LRCH1: variants seen among roughly 807,000 people sequenced by gnomAD.
LRCH1 encodes the protein leucine rich repeats and calponin homology domain containing 1, also known as leucine-rich repeat and calponin homology domain-containing protein 1.
Under a neutral mutation model 94.9 loss-of-function variants are expected in LRCH1, and 23 were observed. That is an observed-to-expected ratio of 0.24 (90% CI 0.17 to 0.34). The LOEUF (loss-of-function observed/expected upper bound fraction) is 0.34, where lower values mean the gene tolerates loss of function less well. Ranked by LOEUF, LRCH1 falls within the 10% of genes least tolerant of loss-of-function variation. LRCH1 has a pLI of 1.00. For missense variants in LRCH1, 790 were observed against 945.9 expected (o/e 0.84, Z 2.16); for synonymous variants, 364 against 354.9 (o/e 1.03, Z -0.29).
chr13:46,571,855 T>C (rs1349353345), intron 1 of LRCH1, among the ~76,000 whole-genome samples: 4 of 151,748 alleles, frequency 2.6e-5, no homozygotes, highest in Admixed American at 2.6e-4. Flanking sequence ...AAATTCTAAG[T>C]ATGTGGCACT....
downstream of LRCH1, among the ~76,000 whole-genome samples, chr13:46,749,408 T>C (rs1278459909): frequency 6.6e-6 from 1 of 152,246 alleles, no homozygotes; most frequent in South Asian, 2.1e-4. Context: ...TAGGAAGATA[T>C]TGGTCAAAGG....
intron 11 of LRCH1, among the ~76,000 whole-genome samples, chr13:46,703,046 A>G (rs1219011527): frequency 6.6e-6 from 1 of 152,202 alleles, no homozygotes; most frequent in Non-Finnish European, 1.5e-5. Flanking sequence ...GGCTCGTGGC[A>G]TAGGCACCTA....
chr13:46,638,046 A>G (rs931267232), intron 1 of LRCH1, among the ~76,000 whole-genome samples: 2 of 152,252 alleles, frequency 1.3e-5, no homozygotes, highest in East Asian at 1.9e-4. Context: ...TGAATTAAAC[A>G]TTGCTTCAAA....
In LRCH1 at chr13:46,669,413, A is replaced by G. The variant is rs117784079; in HGVS notation, c.579+257A>G. Among the ~76,000 whole-genome samples, 993 of 152,316 alleles carry G rather than the reference A, an allele frequency of 6.5e-3. 9 individuals are homozygous for G. Among genetic ancestry groups the G allele is most frequent in the Non-Finnish European group, 8.6e-3 (582 of 68,022 alleles). On this transcript the variant is annotated intron_variant, in intron 3 of 19. Transcript: ENST00000389797. ...GCAGGATTTGCCGTTTTTGAAGTTT[A>G]TGGGCTATCATGTTGTAGTTAGTAT...
At chr13:46,651,386 G>A (rs747431361) in intron 2 of LRCH1, among the ~76,000 whole-genome samples, 2 of 152,086 alleles carry the variant, frequency 1.3e-5, no homozygotes, top group Non-Finnish European at 2.9e-5. Context: ...GTTTCTGGCC[G>A]GGTGTGGTGG....
Position 46,705,048 on chromosome 13 carries a change from C to A in LRCH1, c.1401-20C>A. 1.5e-6 allele frequency: 2 copies of A among 1,331,718 alleles called. No individual in the cohort carries two copies. The highest frequency in any genetic ancestry group is 2.1e-6 in the Non-Finnish European group (2 of 947,356). 82.5% of individuals were successfully genotyped at this position (1,331,718 alleles called of 1,614,324 possible). ...AAAAGTTTAATACGTTTACTAATATCTTTTTTTCCTACTCTTTAGATTAAG... is the reference window on the plus strand; with the variant it reads ...AAAAGTTTAATACGTTTACTAATATATTTTTTTCCTACTCTTTAGATTAAG... On this transcript the variant is annotated intron_variant, in intron 11 of 19. Coordinates refer to ENST00000389797, the MANE Select transcript of LRCH1 (RefSeq NM_001164211.2).
At chr13:46,676,340 C>T (rs935581185) in intron 3 of LRCH1, among the ~76,000 whole-genome samples, 10 of 152,106 alleles carry the variant, frequency 6.6e-5, no homozygotes, top group African/African-American at 1.9e-4. Context: ...TGACATTTCC[C>T]GGTTAGTTAC....
At chr13:46,727,044 G>A (rs1872856757) in intron 17 of LRCH1, among the ~76,000 whole-genome samples, 1 of 152,148 alleles carries the variant, frequency 6.6e-6, no homozygotes, top group South Asian at 2.1e-4. Context: ...TGATATAGCA[G>A]AGATGTTAGA....
chr13:46,557,250 GT>G (rs1325692263), intron 1 of LRCH1, among the ~76,000 whole-genome samples: 1 of 151,770 alleles, frequency 6.6e-6, no homozygotes, highest in Non-Finnish European at 1.5e-5. Context: ...ACAATTAAAA[GT>G]GAATTGAAAA....
At chr13:46,726,889 A>G (rs1188125287) in intron 17 of LRCH1, among the ~76,000 whole-genome samples, 1 of 123,534 alleles carries the variant, frequency 8.1e-6, no homozygotes, top group Non-Finnish European at 1.8e-5. Context: ...AAAAAAAGGC[A>G]ACTAAAACAG....
intron 1 of LRCH1, among the ~76,000 whole-genome samples, chr13:46,616,148 A>G (rs747601345): frequency 6.6e-5 from 10 of 152,214 alleles, no homozygotes; most frequent in Admixed American, 1.3e-4. Flanking sequence ...TTTCGCAGAT[A>G]AGAAAAATGG....
At chr13:46,684,401 C>T (rs925438134) in intron 4 of LRCH1, among the ~76,000 whole-genome samples, 3 of 152,140 alleles carry the variant, frequency 2.0e-5, no homozygotes, top group African/African-American at 7.2e-5. Flanking sequence ...ATAAAACCTT[C>T]ACTTATTTTA....
intron 1 of LRCH1, among the ~76,000 whole-genome samples, chr13:46,567,991 C>T (rs963197760): frequency 6.6e-6 from 1 of 152,148 alleles, no homozygotes; most frequent in Non-Finnish European, 1.5e-5. Flanking sequence ...TCCATAGTTT[C>T]TGTGTGTGTG....
intron 1 of LRCH1, among the ~76,000 whole-genome samples, chr13:46,606,472 C>T (rs1241474173): frequency 6.6e-6 from 1 of 152,190 alleles, no homozygotes; most frequent in African/African-American, 2.4e-5. Context: ...AGCATTTCCC[C>T]CCTTCTGTGT....
At chr13:46,654,716 G>A (rs555113309) in intron 2 of LRCH1, among the ~76,000 whole-genome samples, 4 of 152,310 alleles carry the variant, frequency 2.6e-5, no homozygotes, top group African/African-American at 9.6e-5. Context: ...TAAGGTAGAT[G>A]ATATCAAGTA....
At chr13:46,608,387 T>C (rs1647270173) in intron 1 of LRCH1, among the ~76,000 whole-genome samples, 1 of 152,170 alleles carries the variant, frequency 6.6e-6, no homozygotes, top group African/African-American at 2.4e-5. Context: ...CCATGTGTCA[T>C]TTGGGGTAAC....
At chr13:46,562,943 C>T (rs1269936694) in intron 1 of LRCH1, among the ~76,000 whole-genome samples, 3 of 152,228 alleles carry the variant, frequency 2.0e-5, no homozygotes, top group Admixed American at 6.5e-5. Flanking sequence ...GACCCCTCCT[C>T]CATCTCTCAT....
intron 1 of LRCH1, among the ~76,000 whole-genome samples, chr13:46,587,729 TTTG>T (rs1329242757): frequency 2.6e-5 from 4 of 152,196 alleles, no homozygotes; most frequent in Non-Finnish European, 4.4e-5. Context: ...CTGGTCTGGT[TTTG>T]TTGGTGAAAA....
At chr13:46,656,431 C>G (rs1377152039) in intron 2 of LRCH1, among the ~76,000 whole-genome samples, 1 of 152,156 alleles carries the variant, frequency 6.6e-6, no homozygotes, top group Non-Finnish European at 1.5e-5. Flanking sequence ...CACATTCTTT[C>G]ATGAAGATCT....
Sources: gnomAD v4.1 joint callset for allele counts (sites outside exome capture counted in the v4.1 genomes callset) on GRCh38, gnomAD v4.1.1 for gene constraint, MANE v1.5 for transcripts, NCBI Gene and HGNC (gene_info 2026-07-23, HGNC 2026-07-21) for gene names.